The following OPCML variants were observed in gnomAD, a reference collection of about 807,000 sequenced individuals.
OPCML encodes opioid binding protein/cell adhesion molecule like, also known as opioid-binding protein/cell adhesion molecule.
OPCML carries 13 observed loss-of-function variants against 37.8 expected under a neutral mutation model. That is an observed-to-expected ratio of 0.34 (90% confidence interval 0.22 to 0.55). The LOEUF (loss-of-function observed/expected upper bound fraction) is 0.55, where lower values mean the gene tolerates loss of function less well. OPCML is among the 20% of genes least tolerant of loss of function. OPCML has a pLI of 0.91. For missense variants in OPCML, 341 were observed against 435.6 expected (o/e 0.78, Z 1.93); for synonymous variants, 176 against 168.8 (o/e 1.04, Z -0.33).
chr11:132,555,622 C>A (rs2096393662), intron 3 of OPCML, among the ~76,000 whole-genome samples: 1 of 152,092 alleles, frequency 6.6e-6, no homozygotes, highest in Non-Finnish European at 1.5e-5. Context: ...AGAGATTTTT[C>A]AGTCTCTGGA....
At chr11:133,077,924 A>T (rs1307635039) in intron 1 of OPCML, among the ~76,000 whole-genome samples, 1 of 152,212 alleles carries the variant, frequency 6.6e-6, no homozygotes, top group African/African-American at 2.4e-5. Context: ...AAAAACTGGA[A>T]AGCTGGATAA....
chr11:133,039,658 T>C (rs1201706400), intron 1 of OPCML, among the ~76,000 whole-genome samples: 3 of 152,140 alleles, frequency 2.0e-5, no homozygotes, highest in African/African-American at 7.2e-5. Flanking sequence ...CCCAGTGGCC[T>C]CAGCCAAAAC....
Position 132,718,673 on chromosome 11 carries a change from G to A in OPCML, c.147-61354C>T, listed in dbSNP as rs118084172. 5.8e-3 allele frequency among the ~76,000 whole-genome samples: 881 copies of A among 152,170 alleles called. 2 individuals are homozygous for A. Among genetic ancestry groups the A allele is most frequent in the Non-Finnish European group, 9.5e-3 (643 of 68,008 alleles). On this transcript the variant is annotated intron_variant, in intron 2 of 7. Transcript: ENST00000524381. ...GTGGATAGTGGACGTGTGCTTCTGG[G>A]GTCATCCCAGTGAGGACAGCAATGC...
At chr11:133,111,551 G>A (rs1431780) in intron 1 of OPCML, among the ~76,000 whole-genome samples, 80,291 of 152,002 alleles carry the variant, frequency 0.53, 21,572 homozygotes, top group Admixed American at 0.58. Flanking sequence ...CATGGACACA[G>A]TAAATGCAAT....
intron 1 of OPCML, chr11:133,006,843 G>C (rs1050944935): frequency 2.0e-6 from 2 of 985,306 alleles, no homozygotes; most frequent in Non-Finnish European, 2.4e-6. Context: ...GGCATGAAGT[G>C]CTGGCCAGGA....
intron 1 of OPCML, among the ~76,000 whole-genome samples, chr11:133,204,318 A>G (rs530136339): frequency 6.6e-6 from 1 of 152,338 alleles, no homozygotes; most frequent in African/African-American, 2.4e-5. Context: ...CGTCATTCAC[A>G]TGAGTGGGTA....
chr11:132,922,798 C>A (rs1243217865), intron 2 of OPCML, among the ~76,000 whole-genome samples: 2 of 152,168 alleles, frequency 1.3e-5, no homozygotes, highest in Admixed American at 1.3e-4. Context: ...AGAGGCTGCA[C>A]ACAGTGGCTC....
At chr11:132,855,289 C>T (rs1463515985) in intron 2 of OPCML, among the ~76,000 whole-genome samples, 2 of 152,168 alleles carry the variant, frequency 1.3e-5, no homozygotes, top group African/African-American at 4.8e-5. Context: ...ATTTTCCATA[C>T]TCCTGTGATT....
intron 1 of OPCML, among the ~76,000 whole-genome samples, chr11:133,303,727 A>T (rs2136571843): frequency 6.6e-6 from 1 of 152,248 alleles, no homozygotes; most frequent in Non-Finnish European, 1.5e-5. Flanking sequence ...ACAAATTAAT[A>T]ATGAGAGAGC....
intron 2 of OPCML, among the ~76,000 whole-genome samples, chr11:132,907,520 A>T (rs1944284966): frequency 6.6e-6 from 1 of 151,862 alleles, no homozygotes; most frequent in African/African-American, 2.4e-5. Context: ...ATTCTCAGCT[A>T]CTCAGGGGAC....
intron 2 of OPCML, among the ~76,000 whole-genome samples, chr11:132,692,436 G>A (rs1437509956): frequency 6.6e-6 from 1 of 152,166 alleles, no homozygotes; most frequent in Non-Finnish European, 1.5e-5. Context: ...TAAACAGAGA[G>A]GACAGATGAC....
chr11:132,722,801 T>A (rs555134304), intron 2 of OPCML, among the ~76,000 whole-genome samples: 2 of 152,322 alleles, frequency 1.3e-5, no homozygotes, highest in South Asian at 2.1e-4. Context: ...TCTCCCAGGC[T>A]GGCCCTTGCA....
At chr11:132,674,942 T>C (rs1248547923) in intron 2 of OPCML, among the ~76,000 whole-genome samples, 12 of 152,188 alleles carry the variant, frequency 7.9e-5, no homozygotes. Context: ...TATGTCATTT[T>C]GTGAATAAGC....
intron 2 of OPCML, among the ~76,000 whole-genome samples, chr11:132,875,238 G>A (rs1472786228): frequency 6.6e-6 from 1 of 152,116 alleles, no homozygotes; most frequent in Non-Finnish European, 1.5e-5. Context: ...TTTCTAGACT[G>A]AAAAGTAAAA....
At chr11:133,143,425 C>A (rs1458085197) in intron 1 of OPCML, among the ~76,000 whole-genome samples, 1 of 152,204 alleles carries the variant, frequency 6.6e-6, no homozygotes, top group Non-Finnish European at 1.5e-5. Context: ...AACATCAGGT[C>A]TGCAGGTGAC....
chr11:132,684,110 G>A (rs3019855), intron 2 of OPCML, among the ~76,000 whole-genome samples: 79,871 of 151,926 alleles, frequency 0.53, 21,129 homozygotes, highest in Admixed American at 0.6. Flanking sequence ...TAGGCTACAC[G>A]ATAATCGCTG....
intron 2 of OPCML, among the ~76,000 whole-genome samples, chr11:132,841,561 A>G (rs1941287596): frequency 6.6e-6 from 1 of 152,176 alleles, no homozygotes; most frequent in African/African-American, 2.4e-5. Context: ...AGTTGAGGAT[A>G]GGCAACACCC....
Position 133,039,305 on chromosome 11 carries a change from C to T in OPCML, c.62-96295G>A, listed in dbSNP as rs150401042. Among the ~76,000 whole-genome samples the T allele has an allele frequency of 6.6e-5, 10 of 152,324 alleles. No individual in the cohort carries two copies. The East Asian group carries it at 1.7e-3, about 26-fold the overall frequency. On this transcript the variant is annotated intron_variant, in intron 1 of 7. Coordinates refer to ENST00000524381, the MANE Select transcript of OPCML (RefSeq NM_001012393.5). Reference sequence around the variant, plus strand: ...TTCCTTCTGTCTCAGGACCCCTGTGCTCAAGACAACCTCAGCAGGTCTCAG... The same window carrying T: ...TTCCTTCTGTCTCAGGACCCCTGTGTTCAAGACAACCTCAGCAGGTCTCAG...
chr11:132,600,845 T>C (rs1937826968), intron 3 of OPCML, among the ~76,000 whole-genome samples: 2 of 135,820 alleles, frequency 1.5e-5, no homozygotes, highest in Non-Finnish European at 3.1e-5. Flanking sequence ...TTAACTTTTT[T>C]TTTTTTTTTT....
Sources: gnomAD v4.1 joint callset for allele counts (sites outside exome capture counted in the v4.1 genomes callset) on GRCh38, gnomAD v4.1.1 for gene constraint, MANE v1.5 for transcripts, NCBI Gene and HGNC (gene_info 2026-07-23, HGNC 2026-07-21) for gene names.